Variants in GFAP observed in about 807,000 individuals in gnomAD.
GFAP encodes the protein intermediate filament protein.
Under a neutral mutation model 49.3 loss-of-function variants are expected in GFAP, and 38 were observed. That is an observed-to-expected ratio of 0.77 (90% CI 0.60 to 1.01). GFAP has a LOEUF of 1.01. Ranked by LOEUF, GFAP falls within the 50% of genes least tolerant of loss-of-function variation. The pLI is 0.00. For synonymous variants in GFAP, 222 were observed against 236.4 expected (o/e 0.94, Z 0.56); for missense variants, 463 against 579.1 (o/e 0.80, Z 2.06).
intron 7 of GFAP, 196 bp from the exon 8 acceptor site, chr17:44,908,345 G>A: frequency 1.8e-6 from 1 of 551,482 alleles, no homozygotes; most frequent in Non-Finnish European, 3.2e-6. Context: ...CAGAGTCCTG[G>A]CTGCTCTGTC....
chr17:44,908,473 T>C lies in GFAP; in HGVS notation c.1172-324A>G, dbSNP rs528288322. On this transcript the variant is annotated intron_variant, in intron 7 of 8. Transcript: ENST00000588735. ...GGAGGGGTGCGGTGGCTCACACCTA[T>C]AATGCCATCATTTTGGGAGGCTGAG... is the stretch of plus-strand genomic sequence containing the variant. 8 of 215,352 alleles carry C rather than the reference T, an allele frequency of 3.7e-5. No individual in the cohort carries two copies. The South Asian group carries it at 9.5e-4, about 26-fold the overall frequency. 13.3% of individuals were successfully genotyped at this position (215,352 alleles called of 1,614,324 possible).
At chr17:44,909,879 G>A in intron 7 of GFAP, 8 of 1,317,624 alleles carry the variant, frequency 6.1e-6, no homozygotes, top group Non-Finnish European at 7.8e-6. Context: ...GCTGCTGCTT[G>A]CTCAGAGGCC....
At chr17:44,914,724 A>G in intron 1 of GFAP, 2 of 464,054 alleles carry the variant, frequency 4.3e-6, no homozygotes, top group South Asian at 2.5e-5. Flanking sequence ...CCACAGTCAC[A>G]AAGCCCAGCC....
At chr17:44,910,833 T>A in intron 6 of GFAP, 175 bp from the exon 7 acceptor site, 1 of 856,744 alleles carries the variant, frequency 1.2e-6, no homozygotes, top group Non-Finnish European at 1.8e-6. Flanking sequence ...TCCAAACGTC[T>A]GCAAGGGGCT....
intron 1 of GFAP, chr17:44,914,761 C>G (rs754324508): frequency 1.8e-5 from 10 of 549,362 alleles, no homozygotes; most frequent in South Asian, 1.0e-4. Flanking sequence ...GGCCCCGCTG[C>G]TCCTGCACTG....
At chr17:44,910,474 A>T in intron 7 of GFAP, 141 bp downstream of exon 7, 1 of 1,556,292 alleles carries the variant, frequency 6.4e-7, no homozygotes, top group Non-Finnish European at 8.7e-7. Flanking sequence ...TCTGGCTAGG[A>T]GCGCTGCAGT....
At chr17:44,907,547 G>A (rs2051672450) in intron 8 of GFAP, 159 bp from the exon 9 acceptor site, 4 of 698,892 alleles carry the variant, frequency 5.7e-6, no homozygotes, top group South Asian at 3.0e-5. Context: ...GGACAGAGGG[G>A]GTGGTGAGAT....
chr17:44,913,363 G>A lies in GFAP; in HGVS notation c.686C>T (p.Pro229Leu). Residue 229 changes from proline to leucine, a missense_variant, in exon 4 of 9, where the codon CCA becomes CTA. Physicochemically the swap from Pro to Leu is moderately conservative, Grantham distance 98 (BLOSUM62 -3). Coordinates refer to ENST00000588735, the MANE Select transcript of GFAP (RefSeq NM_002055.5). ...CTCTTTCAGGGCTGCGGTGAGGTCT[G>A]GCTTGGCCACGTCAAGCTCCACATG... ...QVHVELDVAKPDLTAALKEIR... is the reference protein window; with the variant it reads ...QVHVELDVAKLDLTAALKEIR... The A allele has an allele frequency of 6.2e-7, 1 of 1,614,168 alleles. No homozygotes were observed.
intron 6 of GFAP, 84 bp downstream of exon 6, chr17:44,911,152 A>G: frequency 1.6e-6 from 2 of 1,247,788 alleles, no homozygotes; most frequent in Admixed American, 1.7e-5. Context: ...AAGGCTGAAA[A>G]AGACTCAGTC....
rs1290466478 is a variant in GFAP at position 44,904,660 on chromosome 17, C to T, written c.*2687G>A. 1.9e-6 allele frequency: 3 copies of T among 1,550,438 alleles called. No individual in the cohort carries two copies. Among genetic ancestry groups the T allele is most frequent in the Admixed American group, 3.9e-5 (2 of 50,982 alleles). On this transcript the variant is annotated 3_prime_UTR_variant, in exon 9 of 9. Transcript: ENST00000588735. ...TGCCCCAGGTGCCCATTCAGTTCCACCAGCAGAGACTGGGCCATGGACTCA... is the reference window on the plus strand; with the variant it reads ...TGCCCCAGGTGCCCATTCAGTTCCATCAGCAGAGACTGGGCCATGGACTCA...
chr17:44,907,483 C>G, intron 8 of GFAP, 95 bp from the exon 9 acceptor site: 3 of 860,368 alleles, frequency 3.5e-6, no homozygotes, highest in Non-Finnish European at 4.0e-6. Context: ...TGGGAAGTCC[C>G]CGACTTCCCA....
intron 7 of GFAP, chr17:44,910,071 G>T: frequency 6.2e-7 from 1 of 1,612,038 alleles, no homozygotes; most frequent in Non-Finnish European, 8.5e-7. Context: ...GGATTGGGAG[G>T]ATGGGGTGGG....
chr17:44,907,386 G>C lies in GFAP; in HGVS notation c.1260C>G (p.Val420=), dbSNP rs779643685. The C allele has an allele frequency of 3.7e-6, 6 of 1,611,324 alleles. No individual in the cohort carries two copies. The highest frequency in any genetic ancestry group is 5.1e-6 in the Non-Finnish European group (6 of 1,177,590). ...TGTGCTCCTGCTTGGACTCCTTAATGACCTGCAGGGGACAGGGAACGTGCA... is the reference window on the plus strand; with the variant it reads ...TGTGCTCCTGCTTGGACTCCTTAATCACCTGCAGGGGACAGGGAACGTGCA... The part of the protein sequence containing the change: ...VKTVEMRDGE[V]IKESKQEHKD... Residue 420 remains valine (V), a splice_region_variant and synonymous_variant, in exon 9 of 9, where the codon GTC becomes GTG. Coordinates refer to ENST00000588735, the MANE Select transcript of GFAP (RefSeq NM_002055.5).
intron 4 of GFAP, chr17:44,912,740 C>T (rs112605738): frequency 3.2e-4 from 65 of 204,770 alleles, no homozygotes; most frequent in African/African-American, 1.3e-3. Context: ...GTGTTCTCTA[C>T]GGGCACTATG....
chr17:44,903,710 C>T lies in GFAP; in HGVS notation c.*3637G>A. ...TCCTCTGCAGATTGTTGCTGCTTTT[C>T]CTGGCTGCATAATCCTTTCCTCATC... On this transcript the variant is annotated 3_prime_UTR_variant, in exon 9 of 9. Transcript: ENST00000588735. 7 of 1,440,186 alleles carry T rather than the reference C, an allele frequency of 4.9e-6. No individual in the cohort carries two copies. Among genetic ancestry groups the T allele is most frequent in the Non-Finnish European group, 6.4e-6 (7 of 1,101,282 alleles). The allele number at this position is 1,440,186 out of a possible 1,614,324, so 89.2% of individuals were successfully genotyped here.
In GFAP at chr17:44,904,146, G is replaced by A. The variant is rs1258547056; in HGVS notation, c.*3201C>T. The A allele has an allele frequency of 1.8e-5, 28 of 1,550,212 alleles. No individual in the cohort carries two copies. The East Asian group carries it at 4.4e-4, about 24-fold the overall frequency. Reference sequence around the variant, plus strand: ...GACATGCTGACCCGCTTCAGCATCCGCATGTTCAGCTTGTTGGTTTTCAGG... The same window carrying A: ...GACATGCTGACCCGCTTCAGCATCCACATGTTCAGCTTGTTGGTTTTCAGG... On this transcript the variant is annotated 3_prime_UTR_variant, in exon 9 of 9. Coordinates refer to ENST00000588735, the MANE Select transcript of GFAP (RefSeq NM_002055.5).
chr17:44,904,687 C>T lies in GFAP; in HGVS notation c.*2660G>A, dbSNP rs1229823899. ...AGCAGAGACTGGGCCATGGACTCAT[C>T]ATCTCCTGTCCTGGGGCCCGGCCAG... On this transcript the variant is annotated 3_prime_UTR_variant, in exon 9 of 9. Transcript: ENST00000588735. 7 of 1,550,586 alleles carry T rather than the reference C, an allele frequency of 4.5e-6. No individual in the cohort carries two copies. The highest frequency in any genetic ancestry group is 6.1e-6 in the Non-Finnish European group (7 of 1,147,004).
At chr17:44,914,964 C>T in intron 1 of GFAP, 62 bp downstream of exon 1, 1 of 1,466,828 alleles carries the variant, frequency 6.8e-7, no homozygotes, top group Non-Finnish European at 9.3e-7. Flanking sequence ...TTCTCGGGCA[C>T]TCCTTCTTGG....
At position 44,905,574 on chromosome 17, in the gene GFAP, G is replaced by A. The variant is rs1343247572; in HGVS notation, c.*1773C>T. 1.9e-5 allele frequency: 3 copies of A among 159,828 alleles called. No homozygotes were observed. The highest frequency in any genetic ancestry group is 1.9e-4 in the East Asian group (1 of 5,386). 9.9% of individuals were successfully genotyped at this position (159,828 alleles called of 1,614,324 possible). ...AAGAAATGAGTTGGTCTTGTCAAAGGCTACATCTTGGCCCCAGTCCCGCCC... is the reference window on the plus strand; with the variant it reads ...AAGAAATGAGTTGGTCTTGTCAAAGACTACATCTTGGCCCCAGTCCCGCCC... On this transcript the variant is annotated 3_prime_UTR_variant, in exon 9 of 9. Transcript: ENST00000588735.
Sources: allele counts gnomAD v4.1 joint callset, GRCh38; gene constraint gnomAD v4.1.1; transcripts MANE v1.5; gene names NCBI Gene and HGNC (gene_info 2026-07-23, HGNC 2026-07-21).